The following MCAM variants were observed in gnomAD, a reference collection of about 807,000 sequenced individuals.
The protein encoded by MCAM is melanoma cell adhesion molecule, also known as cell surface glycoprotein MUC18.
In MCAM, 55 loss-of-function variants were observed where a neutral mutation model predicts 79.1. The ratio of observed to expected loss-of-function variants is 0.70; its 90% confidence interval spans 0.56 to 0.87. The LOEUF (loss-of-function observed/expected upper bound fraction) is 0.87, where lower values mean the gene tolerates loss of function less well. Ranked by LOEUF, MCAM falls within the 40% of genes least tolerant of loss-of-function variation. The pLI is 0.00. For missense variants in MCAM, 745 were observed against 839.8 expected (o/e 0.89, Z 1.40); for synonymous variants, 330 against 339.8 (o/e 0.97, Z 0.32).
chr11:119,312,776 C>T lies in MCAM; in HGVS notation c.733G>A (p.Val245Ile). 6.2e-7 allele frequency: 1 copy of T among 1,614,056 alleles called. No individual in the cohort carries two copies. ...MKESREVTVP[V>I]FYPTEKVWLE... is the part of the protein sequence containing the mutation. ...GAGTCAGGTTAGTACTCACAGAAAA[C>T]AGGGACGGTGACTTCCCTGGACTCC... Residue 245 changes from valine to isoleucine, a missense_variant, in exon 6 of 16, where the codon GTT (valine) becomes ATT (isoleucine). Physicochemically the swap from Val to Ile is conservative, Grantham distance 29. Coordinates refer to ENST00000264036, the MANE Select transcript of MCAM (RefSeq NM_006500.3). This position sits in a 1 kb window ranked among gnomAD's most constrained non-coding sequence, Gnocchi z 4.9.
intron 5 of MCAM, chr11:119,314,187 G>A (rs537684327): frequency 1.3e-5 from 6 of 460,216 alleles, no homozygotes; most frequent in East Asian, 1.2e-4. Flanking sequence ...ATGGGGTCTC[G>A]CTCTGTCACC....
At chr11:119,314,808 T>TG in intron 3 of MCAM, 25 bp downstream of exon 3, 2 of 1,613,470 alleles carry the variant, frequency 1.2e-6, no homozygotes, top group Non-Finnish European at 8.5e-7. Context: ...CTCACTACCC[T>TG]GCTGGCAGAC....
At position 119,314,912 on chromosome 11, in the gene MCAM, G is replaced by T; in HGVS notation, c.321C>A (p.Thr107=). ...ACAAGAAGATGCGCTCGTCTTGGGG[G>T]GTGACTTGAGTCAGGGCCAGAGTAG... ...RGATLALTQV[T]PQDERIFLCQ... is the part of the protein sequence containing the mutation. Residue 107 remains threonine, a synonymous_variant, in exon 3 of 16, where the codon ACC becomes ACA. Transcript: ENST00000264036. 6.2e-7 allele frequency: 1 copy of T among 1,613,296 alleles called. No homozygotes were observed. The highest frequency in any genetic ancestry group is 8.5e-7 in the Non-Finnish European group (1 of 1,180,026).
chr11:119,314,100 A>T, intron 5 of MCAM: 2 of 902,494 alleles, frequency 2.2e-6, no homozygotes, highest in Non-Finnish European at 2.7e-6. Flanking sequence ...CATTTGTATA[A>T]TTTTTTTAAG....
chr11:119,314,493 C>T lies in MCAM; in HGVS notation c.555G>A (p.Lys185=). 9 of 1,613,662 alleles carry T rather than the reference C, an allele frequency of 5.6e-6. No individual in the cohort carries two copies. Among genetic ancestry groups the T allele is most frequent in the Non-Finnish European group, 7.6e-6 (9 of 1,179,856 alleles). ...TTGGGAGAAAGGGCTACTCACGGTT[C>T]TTCTCCTCCTTCAGAGGCCGGCCAT... is the stretch of plus-strand genomic sequence containing the variant. The part of the protein sequence containing the change: ...YKNGRPLKEE[K]NRVHIQSSQT... The change falls in exon 5 of 16, where the codon AAG becomes AAA. Residue 185 remains lysine (K), a synonymous_variant. Transcript: ENST00000264036.
Position 119,310,382 on chromosome 11 carries a change from G to T in MCAM, c.1878C>A (p.Gly626=), listed in dbSNP as rs549424365. ...CCGGAGCCCTCTTGTCACCGCTGCT[G>T]CCCTGCAGGAGGCCCATCTCTTCTG... ...KLPEEMGLLQ[G]SSGDKRAPGD... The change falls in exon 15 of 16, where the codon GGC becomes GGA. Residue 626 remains glycine (G), a synonymous_variant. Transcript: ENST00000264036. 6.2e-7 allele frequency: 1 copy of T among 1,613,924 alleles called. No homozygotes were observed. Among genetic ancestry groups the T allele is most frequent in the Non-Finnish European group, 8.5e-7 (1 of 1,179,894 alleles).
chr11:119,310,951 G>C, intron 13 of MCAM, 48 bp from the exon 14 acceptor site: 1 of 1,613,832 alleles, frequency 6.2e-7, no homozygotes, highest in Non-Finnish European at 8.5e-7. Flanking sequence ...AGGCCACTTC[G>C]TCACCATCGT....
intron 14 of MCAM, 81 bp from the exon 15 acceptor site, chr11:119,310,547 G>T: frequency 8.9e-7 from 1 of 1,121,686 alleles, no homozygotes; most frequent in Non-Finnish European, 1.4e-6. Flanking sequence ...ATGTGGAATG[G>T]ATGAGGGCTC....
Position 119,311,169 on chromosome 11 carries a change from G to A in MCAM, c.1566C>T (p.Leu522=), listed in dbSNP as rs1309936154. 2 of 1,614,066 alleles carry A rather than the reference G, an allele frequency of 1.2e-6. No homozygotes were observed. The highest frequency in any genetic ancestry group is 2.2e-5 in the East Asian group (1 of 44,892). The change falls in exon 13 of 16, where the codon CTC becomes CTT. Residue 522 remains leucine, a synonymous_variant. Coordinates refer to ENST00000264036, the MANE Select transcript of MCAM (RefSeq NM_006500.3). This position sits in a 1 kb window ranked among gnomAD's most constrained non-coding sequence, Gnocchi z 4.4. ...LFLELVNLTT[L]TPDSNTTTGL... ...CAGTGGTTGTGTTGGAGTCTGGTGT[G>A]AGGGTGGTTAAATTGACTAGGAGGC...
In MCAM at chr11:119,315,744, C is replaced by A. The variant is rs370474787; in HGVS notation, c.68-481G>T. 3 of 179,308 alleles carry A rather than the reference C, an allele frequency of 1.7e-5. No individual in the cohort carries two copies. The East Asian group carries it at 3.9e-4, about 24-fold the overall frequency. 11.1% of individuals were successfully genotyped at this position (179,308 alleles called of 1,614,324 possible). On this transcript the variant is annotated intron_variant, in intron 1 of 15. Transcript: ENST00000264036. The surrounding 1 kb of genome is among the most constrained non-coding windows in gnomAD (Gnocchi z 4.4). ...TCACTCCCCAGCGGGCTAACTCTGG[C>A]GGAAGTTCCGGTCTCATGCTCCCTC...
Position 119,311,120 on chromosome 11 carries a change from G to A in MCAM, c.1615C>T (p.Pro539Ser), listed in dbSNP as rs148607290. ...GAGGTGCTGTTGGCTCTGGTATGAG[G>A]ACTGGCAGTGGAAGTGCTGAGGCCA... ...TTGLSTSTASPHTRANSTSTE... is the reference protein window; with the variant it reads ...TTGLSTSTASSHTRANSTSTE... The change falls in exon 13 of 16, where the codon CCT (proline) becomes TCT (serine). Residue 539 changes from proline to serine, a missense_variant. Pro to Ser is a moderately conservative substitution (Grantham distance 74, BLOSUM62 -1). Coordinates refer to ENST00000264036, the MANE Select transcript of MCAM (RefSeq NM_006500.3). The surrounding 1 kb of genome is among the most constrained non-coding windows in gnomAD (Gnocchi z 4.4). The A allele has an allele frequency of 1.2e-4, 187 of 1,614,248 alleles. No individual in the cohort carries two copies. The African/African-American group carries it at 2.3e-3, about 20-fold the overall frequency.
In MCAM at chr11:119,315,845, A is replaced by T. The variant is rs1166027253; in HGVS notation, c.68-582T>A. 1 of 159,852 alleles carries T rather than the reference A, an allele frequency of 6.3e-6. No homozygotes were observed. The highest frequency in any genetic ancestry group is 2.4e-5 in the African/African-American group (1 of 41,596). The allele number at this position is 159,852 out of a possible 1,614,324, so 9.9% of individuals were successfully genotyped here. The stretch of plus-strand genomic sequence containing the variant: ...TAGCTGGTAAGGATGGAGAGGTCAG[A>T]GTCTCCCCCAGGGGTCAGGGCAAGG... On this transcript the variant is annotated intron_variant, in intron 1 of 15. Coordinates refer to ENST00000264036, the MANE Select transcript of MCAM (RefSeq NM_006500.3). This position sits in a 1 kb window ranked among gnomAD's most constrained non-coding sequence, Gnocchi z 4.4.
At position 119,315,281 on chromosome 11, in the gene MCAM, G is replaced by C; in HGVS notation, c.68-18C>G. The C allele has an allele frequency of 3.1e-6, 5 of 1,601,056 alleles. No homozygotes were observed. Among genetic ancestry groups the C allele is most frequent in the Non-Finnish European group, 4.2e-6 (5 of 1,177,512 alleles). Reference sequence around the variant, plus strand: ...GGGCACACCTGGGGGAGGGAGGCGGGGCCCCCGCAGCTGTGTCAGCTCCGG... The same window carrying C: ...GGGCACACCTGGGGGAGGGAGGCGGCGCCCCCGCAGCTGTGTCAGCTCCGG... On this transcript the variant is annotated intron_variant, in intron 1 of 15. Transcript: ENST00000264036. This position sits in a 1 kb window ranked among gnomAD's most constrained non-coding sequence, Gnocchi z 4.4.
chr11:119,312,603 A>G lies in MCAM; in HGVS notation c.785T>C (p.Leu262Pro). 1 of 1,614,036 alleles carries G rather than the reference A, an allele frequency of 6.2e-7. No homozygotes were observed. Among genetic ancestry groups the G allele is most frequent in the South Asian group, 1.1e-5 (1 of 91,084 alleles). The change falls in exon 7 of 16, where the codon CTG becomes CCG. Residue 262 changes from leucine to proline, a missense_variant. Transcript: ENST00000264036. This position sits in a 1 kb window ranked among gnomAD's most constrained non-coding sequence, Gnocchi z 4.9. Reference sequence around the variant, plus strand: ...GATTTCCACGCGGTCCCCTTCCTTCAGCATTCCCACGGGCTCCACTTCCAG... The same window carrying G: ...GATTTCCACGCGGTCCCCTTCCTTCGGCATTCCCACGGGCTCCACTTCCAG... Reference protein sequence around the residue: ...VWLEVEPVGMLKEGDRVEIRC... With the variant: ...VWLEVEPVGMPKEGDRVEIRC...
Position 119,315,841 on chromosome 11 carries a change from T to G in MCAM, c.68-578A>C. 3 of 157,734 alleles carry G rather than the reference T, an allele frequency of 1.9e-5. No homozygotes were observed. Among genetic ancestry groups the G allele is most frequent in the Admixed American group, 6.0e-5 (1 of 16,598 alleles). 9.8% of individuals were successfully genotyped at this position (157,734 alleles called of 1,614,324 possible). ...TAGGTAGCTGGTAAGGATGGAGAGGTCAGAGTCTCCCCCAGGGGTCAGGGC... is the reference window on the plus strand; with the variant it reads ...TAGGTAGCTGGTAAGGATGGAGAGGGCAGAGTCTCCCCCAGGGGTCAGGGC... On this transcript the variant is annotated intron_variant, in intron 1 of 15. Transcript: ENST00000264036. This position sits in a 1 kb window ranked among gnomAD's most constrained non-coding sequence, Gnocchi z 4.4.
In MCAM at chr11:119,310,353, T is replaced by G. The variant is rs1950212580; in HGVS notation, c.1907A>C (p.Asp636Ala). ...GSSGDKRAPG[D>A]QGEKYIDLRH ...GCCACAGGAACCGCCTCCTACCTGG[T>G]CTCCCGGAGCCCTCTTGTCACCGCT... The change falls in exon 15 of 16, where the codon GAC becomes GCC. Residue 636 changes from aspartate (D) to alanine (A), a missense_variant. Transcript: ENST00000264036. The G allele has an allele frequency of 2.5e-6, 4 of 1,609,420 alleles. No individual in the cohort carries two copies. Among genetic ancestry groups the G allele is most frequent in the Non-Finnish European group, 3.4e-6 (4 of 1,175,996 alleles).
chr11:119,311,361 G>A lies in MCAM; in HGVS notation c.1468C>T (p.Pro490Ser). The A allele has an allele frequency of 6.2e-7, 1 of 1,614,206 alleles. No individual in the cohort carries two copies. Among genetic ancestry groups the A allele is most frequent in the Non-Finnish European group, 8.5e-7 (1 of 1,180,044 alleles). Residue 490 changes from proline to serine, a missense_variant, in exon 12 of 16, where the codon CCG becomes TCG. By Grantham distance (74) the Pro-to-Ser change is moderately conservative (BLOSUM62 -1). Transcript: ENST00000264036. This position sits in a 1 kb window ranked among gnomAD's most constrained non-coding sequence, Gnocchi z 4.4. ...TCAACACCTGTCTCCAACAGCTCCG[G>A]GGTCACGAGGACATTCAGGGTGCTC... is the stretch of plus-strand genomic sequence containing the variant. ...VLSTLNVLVTPELLETGVECT... is the reference protein window; with the variant it reads ...VLSTLNVLVTSELLETGVECT...
chr11:119,311,566 G>C lies in MCAM; in HGVS notation c.1371C>G (p.His457Gln), dbSNP rs1216882775. The C allele has an allele frequency of 6.2e-7, 1 of 1,614,122 alleles. No homozygotes were observed. Among genetic ancestry groups the C allele is most frequent in the Non-Finnish European group, 8.5e-7 (1 of 1,180,008 alleles). The change falls in exon 11 of 16, where the codon CAC (histidine) becomes CAG (glutamine). Residue 457 changes from histidine (H) to glutamine (Q), a missense_variant. Physicochemically the swap from His to Gln is conservative, Grantham distance 24 (BLOSUM62 0). Transcript: ENST00000264036. The surrounding 1 kb of genome is among the most constrained non-coding windows in gnomAD (Gnocchi z 4.4). The stretch of plus-strand genomic sequence containing the variant: ...CGTTCCAGGAGATGGTGGGCCGGGG[G>C]TGCCCTGACGCTTCACAAGACAGAT... The part of the protein sequence containing the change: ...VLNLSCEASG[H>Q]PRPTISWNVN...
In MCAM at chr11:119,312,692, T is replaced by G. The variant is rs761225393; in HGVS notation, c.740-44A>C. On this transcript the variant is annotated intron_variant, in intron 6 of 15. Transcript: ENST00000264036. The surrounding 1 kb of genome is among the most constrained non-coding windows in gnomAD (Gnocchi z 4.9). ...TAGCTCTTGGCCCATGAGTCAACCC[T>G]GGGCTGGATAAGGGGGAGCCAGCAG... The G allele has an allele frequency of 1.5e-5, 24 of 1,613,904 alleles. No individual in the cohort carries two copies. The highest frequency in any genetic ancestry group is 2.0e-5 in the Non-Finnish European group (24 of 1,179,948).
Sources: gnomAD v4.1 joint callset for allele counts on GRCh38, gnomAD v4.1.1 for gene constraint, Gnocchi (gnomAD v3.1) non-coding constraint, MANE v1.5 for transcripts, NCBI Gene and HGNC (gene_info 2026-07-23, HGNC 2026-07-21) for gene names.